RRP12: variants seen among roughly 807,000 people sequenced by gnomAD.
The protein encoded by RRP12 is ribosomal RNA processing 12 homolog.
In RRP12, 78 loss-of-function variants were observed where a neutral mutation model predicts 157.3. The ratio of observed to expected loss-of-function variants is 0.50; its 90% CI spans 0.41 to 0.60. The LOEUF (loss-of-function observed/expected upper bound fraction) is 0.60. RRP12 is among the 20% of genes least tolerant of loss of function. The pLI, the probability that RRP12 is intolerant of heterozygous loss-of-function variation, is 0.00. For missense variants in RRP12, 1,521 were observed against 1,679.9 expected, an observed-to-expected ratio of 0.91 and a Z score of 1.65; for synonymous variants, 726 against 670.9, an observed-to-expected ratio of 1.08 and a Z score of -1.27.
intron 3 of RRP12, 70 bp from the exon 4 acceptor site, chr10:97,393,830 G>A (rs1844880753): frequency 8.7e-6 from 11 of 1,270,690 alleles, no homozygotes; most frequent in South Asian, 3.6e-5. Context: ...GAGAGTGGGG[G>A]AACATGTGCC....
At chr10:97,365,441 T>C (rs2133036744) in intron 29 of RRP12, among the ~76,000 whole-genome samples, 1 of 152,068 alleles carries the variant, frequency 6.6e-6, no homozygotes, top group South Asian at 2.1e-4. Flanking sequence ...GCCCAGCTAA[T>C]TTTTTGTGTT....
intron 29 of RRP12, among the ~76,000 whole-genome samples, chr10:97,365,517 C>T (rs1032316919): frequency 3.9e-5 from 6 of 152,146 alleles, no homozygotes; most frequent in East Asian, 1.9e-4. Flanking sequence ...TCCTGATCTG[C>T]GCGCCTTGGC....
chr10:97,390,487 C>A lies in RRP12; in HGVS notation c.689G>T (p.Gly230Val). Residue 230 changes from glycine to valine, a missense_variant, in exon 6 of 34, where the codon GGC becomes GTC. By Grantham distance (109) the Gly-to-Val change is moderately radical (BLOSUM62 -3). Coordinates refer to ENST00000370992, the MANE Select transcript of RRP12 (RefSeq NM_015179.4). ...LLRKQDLEAW[G>V]YPVTLQVYHG... ...GTACACCTGAAGGGTCACGGGGTAG[C>A]CCCAGGCCTCCAGGTCTTGCTTCCG... 1.9e-6 allele frequency: 3 copies of A among 1,614,082 alleles called. No homozygotes were observed. The highest frequency in any genetic ancestry group is 2.5e-6 in the Non-Finnish European group (3 of 1,179,990).
intron 4 of RRP12, among the ~76,000 whole-genome samples, chr10:97,391,175 C>G (rs1303055681): frequency 6.6e-6 from 1 of 152,190 alleles, no homozygotes; most frequent in Non-Finnish European, 1.5e-5. Context: ...AGGAATGCCC[C>G]TTCTGGGGGC....
intron 3 of RRP12, among the ~76,000 whole-genome samples, chr10:97,395,899 GC>G (rs1326122821): frequency 2.0e-5 from 3 of 150,948 alleles, no homozygotes; most frequent in East Asian, 3.9e-4. Context: ...AGTGGCTCAT[GC>G]CTGTAATCCC....
At chr10:97,363,998 C>T in intron 29 of RRP12, 95 bp from the exon 30 acceptor site, 1 of 1,068,698 alleles carries the variant, frequency 9.4e-7, no homozygotes, top group Non-Finnish European at 1.5e-6. Context: ...GGCTGCGGGG[C>T]CACCAACTCC....
chr10:97,395,339 GT>G (rs1844928779), intron 3 of RRP12, among the ~76,000 whole-genome samples: 1 of 148,352 alleles, frequency 6.7e-6, no homozygotes. Context: ...ATCACCTGAG[GT>G]TGCGAGTTCG....
intron 8 of RRP12, 194 bp downstream of exon 8, chr10:97,388,058 G>A: frequency 1.6e-6 from 1 of 624,438 alleles, no homozygotes; most frequent in Non-Finnish European, 2.7e-6. Flanking sequence ...TCTGAGGTCA[G>A]CTTCCATCTG....
intron 24 of RRP12, among the ~76,000 whole-genome samples, chr10:97,369,888 C>T (rs997384105): frequency 2.0e-5 from 3 of 152,222 alleles, no homozygotes; most frequent in African/African-American, 7.2e-5. Context: ...CAGGCATCAG[C>T]CCTAACCACC....
intron 17 of RRP12, 29 bp downstream of exon 17, chr10:97,373,546 C>T (rs1188506139): frequency 6.4e-6 from 10 of 1,566,488 alleles, no homozygotes; most frequent in South Asian, 1.2e-5. Context: ...TCATCCTCCC[C>T]AGCCCCCACT....
At chr10:97,370,819 C>T (rs762513665) in intron 21 of RRP12, 23 bp from the exon 22 acceptor site, 2 of 1,611,944 alleles carry the variant, frequency 1.2e-6, no homozygotes, top group Non-Finnish European at 1.7e-6. Flanking sequence ...GGCTACCAGT[C>T]AGGACCCCTC....
In RRP12 at chr10:97,358,566, GA is replaced by G; in HGVS notation, c.3761del (p.Ile1254ThrfsTer14). ...GGTTGAGCTTGCTTCTGTTGAGGGGGATGTAGGCATAGGGATCCGGCCGGCC... is the reference window on the plus strand; with the variant it reads ...GGTTGAGCTTGCTTCTGTTGAGGGGGTGTAGGCATAGGGATCCGGCCGGCC... ...KKGRPDPYAYIPLNRSKLNRR... is the reference protein window; with the variant it reads ...KKGRPDPYAYXPLNRSKLNRR... On this transcript the variant is annotated frameshift_variant, in exon 33 of 34. Transcript: ENST00000370992. LOFTEE classifies it high-confidence loss of function. The G allele has an allele frequency of 1.9e-6, 3 of 1,614,004 alleles. No homozygotes were observed. Among genetic ancestry groups the G allele is most frequent in the Non-Finnish European group, 1.7e-6 (2 of 1,179,960 alleles).
chr10:97,394,850 T>G (rs1370959354), intron 3 of RRP12, among the ~76,000 whole-genome samples: 1 of 152,160 alleles, frequency 6.6e-6, no homozygotes, highest in Non-Finnish European at 1.5e-5. Context: ...TCTTTAAAAA[T>G]GTAATAACCA....
chr10:97,373,611 C>A lies in RRP12; in HGVS notation c.1990G>T (p.Ala664Ser). The A allele has an allele frequency of 1.2e-6, 2 of 1,611,662 alleles. No individual in the cohort carries two copies. Among genetic ancestry groups the A allele is most frequent in the Admixed American group, 1.7e-5 (1 of 59,874 alleles). The change falls in exon 17 of 34, where the codon GCC becomes TCC. Residue 664 changes from alanine to serine, a missense_variant. Physicochemically the swap from Ala to Ser is moderately conservative, Grantham distance 99. Transcript: ENST00000370992. Reference protein sequence around the residue: ...RPDLRVTVCQALRTLITKGCQ... With the variant: ...RPDLRVTVCQSLRTLITKGCQ... The stretch of plus-strand genomic sequence containing the variant: ...CCCTTGGTGATGAGGGTGCGCAGGG[C>A]CTGGCACACGGTGACCCTCAGGTCT...
intron 30 of RRP12, among the ~76,000 whole-genome samples, chr10:97,361,146 C>T (rs919333103): frequency 1.7e-4 from 26 of 152,198 alleles, no homozygotes; most frequent in African/African-American, 6.3e-4. Flanking sequence ...GACCCCTGCT[C>T]AAGCCAGTCA....
chr10:97,399,037 G>A (rs1845062882), intron 2 of RRP12, among the ~76,000 whole-genome samples: 1 of 152,176 alleles, frequency 6.6e-6, no homozygotes, highest in Non-Finnish European at 1.5e-5. Context: ...ACTTTAGGAG[G>A]CCGAGGCGGG....
chr10:97,360,459 G>T, intron 31 of RRP12, 87 bp downstream of exon 31: 1 of 1,072,130 alleles, frequency 9.3e-7, no homozygotes, highest in Non-Finnish European at 1.4e-6. Context: ...GCACCCTCAT[G>T]GCCCTGCCAC....
chr10:97,394,335 T>A (rs912804382), intron 3 of RRP12, among the ~76,000 whole-genome samples: 3 of 152,090 alleles, frequency 2.0e-5, no homozygotes, highest in Admixed American at 2.0e-4. Context: ...AGAGTGAGAC[T>A]CCGTCTCAAA....
chr10:97,360,497 C>T (rs760554542), intron 31 of RRP12, 49 bp downstream of exon 31: 2 of 1,450,034 alleles, frequency 1.4e-6, no homozygotes, highest in Non-Finnish European at 1.9e-6. Flanking sequence ...CTCCCTAATG[C>T]AGGTGACAGG....
Sources: allele counts gnomAD v4.1 joint callset (sites outside exome capture counted in the v4.1 genomes callset), GRCh38; gene constraint gnomAD v4.1.1; transcripts MANE v1.5; gene names NCBI Gene and HGNC (gene_info 2026-07-23, HGNC 2026-07-21).